Variants in C9 observed in about 807,000 individuals in gnomAD.
The protein encoded by C9 is complement C9.
In C9, 63 loss-of-function variants were observed where a neutral mutation model predicts 65.4. The observed-to-expected ratio is 0.96, with a 90% CI of 0.79 to 1.19. C9 has a LOEUF of 1.19. C9 is among the 50% of genes most tolerant of loss of function. The pLI, the probability that C9 is intolerant of heterozygous loss-of-function variation, is 0.00. For missense variants in C9, 744 were observed against 670.1 expected (o/e 1.11, Z -1.22); for synonymous variants, 229 against 227.9 (o/e 1.00, Z -0.04).
At chr5:39,308,443 A>G (rs1012432672) in intron 7 of C9, 85 bp from the exon 8 acceptor site, 3 of 984,366 alleles carry the variant, frequency 3.0e-6, no homozygotes, top group African/African-American at 1.6e-5. Flanking sequence ...TTCAAGCAAC[A>G]TCCTTACTTA....
intron 1 of C9, among the ~76,000 whole-genome samples, chr5:39,345,401 C>A (rs1754171613): frequency 6.6e-6 from 1 of 151,932 alleles, no homozygotes; most frequent in Non-Finnish European, 1.5e-5. Context: ...GACTTTAAAC[C>A]AAAAAAGATC....
In C9 at chr5:39,315,826, T is replaced by C. The variant is rs1429896537; in HGVS notation, c.819A>G (p.Ser273=). The change falls in exon 6 of 11, where the codon TCA becomes TCG. Residue 273 remains serine (S), a synonymous_variant. Transcript: ENST00000263408. ...SLHGKGSFRF[S]YSKNETYQLF... is the part of the protein sequence containing the mutation. ...GTTGGTAAGTTTCATTTTTGGAATA[T>C]GAAAACCGAAAACTACCCTTGCCAT... The C allele has an allele frequency of 6.2e-7, 1 of 1,609,900 alleles. No homozygotes were observed.
At chr5:39,329,371 CAT>C (rs1327260536) in intron 5 of C9, among the ~76,000 whole-genome samples, 27 of 152,282 alleles carry the variant, frequency 1.8e-4, no homozygotes, top group Non-Finnish European at 1.5e-4. Flanking sequence ...GAGTGTTTCA[CAT>C]ATTTAGACCC....
intron 5 of C9, among the ~76,000 whole-genome samples, chr5:39,325,445 A>T (rs1753731217): frequency 6.6e-6 from 1 of 152,056 alleles, no homozygotes; most frequent in Admixed American, 6.5e-5. Flanking sequence ...CTTCTCCCTC[A>T]TTGTACACTT....
intron 6 of C9, among the ~76,000 whole-genome samples, chr5:39,312,176 CTG>C (rs1323441528): frequency 1.3e-5 from 2 of 152,060 alleles, no homozygotes; most frequent in East Asian, 3.8e-4. Context: ...AAATATGCTG[CTG>C]TGTCTTCTAT....
intron 4 of C9, among the ~76,000 whole-genome samples, chr5:39,332,086 G>T (rs181563082): frequency 9.8e-5 from 15 of 152,294 alleles, no homozygotes; most frequent in Admixed American, 9.2e-4. Flanking sequence ...AGGCACATGG[G>T]ACCATCTGGT....
intron 1 of C9, among the ~76,000 whole-genome samples, chr5:39,359,017 A>AT (rs1754464377): frequency 3.8e-5 from 5 of 130,734 alleles, no homozygotes; most frequent in African/African-American, 1.5e-4. Context: ...ATAAATAAAA[A>AT]ATATATATAT....
At chr5:39,330,907 A>T (rs1292854451) in intron 5 of C9, among the ~76,000 whole-genome samples, 1 of 152,232 alleles carries the variant, frequency 6.6e-6, no homozygotes, top group African/African-American at 2.4e-5. Context: ...ACATTTTTCA[A>T]ACTGGTGGGA....
chr5:39,347,496 C>T (rs1346108201), intron 1 of C9, among the ~76,000 whole-genome samples: 1 of 152,162 alleles, frequency 6.6e-6, no homozygotes, highest in Non-Finnish European at 1.5e-5. Context: ...AAGAGAACTA[C>T]AAACCACTGC....
rs1271022957 is a variant in C9 at position 39,308,375 on chromosome 5, T to C, written c.1112-17A>G. ...GTTCAACACCTGTTTAATGAATTTA[T>C]TTGAAAATTATTAGATAATGTCTAC... On this transcript the variant is annotated splice_polypyrimidine_tract_variant and intron_variant, in intron 7 of 10. Transcript: ENST00000263408. The C allele has an allele frequency of 2.5e-6, 4 of 1,569,346 alleles. No individual in the cohort carries two copies. The highest frequency in any genetic ancestry group is 3.5e-6 in the Non-Finnish European group (4 of 1,139,534).
intron 6 of C9, among the ~76,000 whole-genome samples, chr5:39,311,948 A>C (rs1352822647): frequency 1.3e-5 from 2 of 152,238 alleles, no homozygotes; most frequent in Admixed American, 1.3e-4. Flanking sequence ...TATATCCTAT[A>C]TAATTCCATT....
At chr5:39,318,073 C>A (rs1210013989) in intron 5 of C9, among the ~76,000 whole-genome samples, 1 of 151,636 alleles carries the variant, frequency 6.6e-6, no homozygotes, top group Non-Finnish European at 1.5e-5. Flanking sequence ...GCTTTGTTAG[C>A]TGTATTCCTA....
chr5:39,287,590 A>T (rs755377958), intron 10 of C9, among the ~76,000 whole-genome samples: 16 of 152,046 alleles, frequency 1.1e-4, no homozygotes, highest in Non-Finnish European at 1.5e-4. Flanking sequence ...CCATCAATGG[A>T]TGATTGGATA....
At chr5:39,302,782 G>A (rs991846417) in intron 9 of C9, among the ~76,000 whole-genome samples, 1 of 152,056 alleles carries the variant, frequency 6.6e-6, no homozygotes, top group African/African-American at 2.4e-5. Context: ...GCATGAAGTA[G>A]GTCACAAATT....
intron 1 of C9, among the ~76,000 whole-genome samples, chr5:39,343,555 G>C (rs970045505): frequency 1.3e-5 from 2 of 152,226 alleles, no homozygotes. Flanking sequence ...GCCCACCACA[G>C]CTCAAGGAGG....
chr5:39,361,213 G>T (rs959740007), intron 1 of C9, among the ~76,000 whole-genome samples: 2 of 152,038 alleles, frequency 1.3e-5, no homozygotes, highest in Admixed American at 6.6e-5. Flanking sequence ...ATGAGTCTAT[G>T]GTTTAACCTA....
intron 5 of C9, among the ~76,000 whole-genome samples, chr5:39,321,383 G>C (rs968067784): frequency 6.6e-6 from 1 of 151,944 alleles, no homozygotes; most frequent in Non-Finnish European, 1.5e-5. Context: ...AAGCTGCATG[G>C]TAACTCATGA....
intron 1 of C9, among the ~76,000 whole-genome samples, chr5:39,347,846 A>G (rs1754239780): frequency 6.6e-6 from 1 of 152,158 alleles, no homozygotes; most frequent in Non-Finnish European, 1.5e-5. Flanking sequence ...AACAGAATGG[A>G]GCCCTCAGAA....
At position 39,342,130 on chromosome 5, in the gene C9, C is replaced by G; in HGVS notation, c.144G>C (p.Trp48Cys). 1 of 1,609,842 alleles carries G rather than the reference C, an allele frequency of 6.2e-7. No individual in the cohort carries two copies. Among genetic ancestry groups the G allele is most frequent in the African/African-American group, 1.3e-5 (1 of 74,942 alleles). ...ASHIDCRMSP[W>C]SEWSQCDPCL... ...AAGGATCGCATTGTGACCATTCACT[C>G]CAGGGGCTCATTCTGCAGTCTATGT... The change falls in exon 2 of 11, where the codon TGG (tryptophan) becomes TGC (cysteine). Residue 48 changes from tryptophan to cysteine, a missense_variant. Trp to Cys is a radical substitution (Grantham distance 215, BLOSUM62 -2). Coordinates refer to ENST00000263408, the MANE Select transcript of C9 (RefSeq NM_001737.5).
Sources: gnomAD v4.1 joint callset for allele counts (sites outside exome capture counted in the v4.1 genomes callset) on GRCh38, gnomAD v4.1.1 for gene constraint, MANE v1.5 for transcripts, NCBI Gene and HGNC (gene_info 2026-07-23, HGNC 2026-07-21) for gene names.